ACSM3: variants seen among roughly 807,000 people sequenced by gnomAD.
The protein encoded by ACSM3 is acyl-CoA synthetase medium chain family member 3.
In ACSM3, 61 loss-of-function variants were observed where a neutral mutation model predicts 74.1. That is an observed-to-expected ratio of 0.82 (90% CI 0.67 to 1.02). The LOEUF (loss-of-function observed/expected upper bound fraction) is 1.02, where lower values mean the gene tolerates loss of function less well. Among genes scored for constraint, ACSM3 ranks in the 50% least tolerant of loss-of-function variants. The pLI, the probability that ACSM3 is intolerant of heterozygous loss-of-function variation, is 0.00. For synonymous variants in ACSM3, 213 were observed against 241.5 expected, an observed-to-expected ratio of 0.88 and a Z score of 1.09; for missense variants, 660 against 697.0, an observed-to-expected ratio of 0.95 and a Z score of 0.60.
intron 1 of ACSM3, chr16:20,697,555 TTA>T (rs1491336010): frequency 3.8e-5 from 4 of 104,946 alleles, no homozygotes; most frequent in Non-Finnish European, 5.5e-5. Context: ...TAAAATTGGA[TTA>T]CACACACACA....
At chr16:20,747,026 T>C (rs2079960691) in intron 1 of ACSM3, among the ~76,000 whole-genome samples, 1 of 152,150 alleles carries the variant, frequency 6.6e-6, no homozygotes, top group African/African-American at 2.4e-5. Context: ...CCTTTGAGAT[T>C]TGGTTGAATA....
chr16:20,789,530 C>T (rs200323039), intron 9 of ACSM3: 1 of 1,613,706 alleles, frequency 6.2e-7, no homozygotes, highest in African/African-American at 1.3e-5. Context: ...TATTGGGCTT[C>T]TGAAGTAAGG....
intron 1 of ACSM3, chr16:20,728,480 T>C: frequency 8.5e-7 from 1 of 1,180,388 alleles, no homozygotes; most frequent in African/African-American, 1.6e-5. Flanking sequence ...GTTTCTTCTC[T>C]GAATATGTGA....
intron 12 of ACSM3, 127 bp from the exon 13 acceptor site, chr16:20,796,243 T>A: frequency 6.3e-6 from 9 of 1,438,500 alleles, no homozygotes; most frequent in Non-Finnish European, 8.3e-6. Context: ...AGAGCTGGGA[T>A]CAAACTTTAT....
intron 1 of ACSM3, among the ~76,000 whole-genome samples, chr16:20,740,793 T>G (rs1018165474): frequency 2.0e-5 from 3 of 152,244 alleles, no homozygotes; most frequent in African/African-American, 7.2e-5. Flanking sequence ...TGGTAAAAGT[T>G]TTTACGTTCT....
chr16:20,796,339 A>G, intron 12 of ACSM3, 31 bp from the exon 13 acceptor site: 1 of 1,601,530 alleles, frequency 6.2e-7, no homozygotes, highest in Non-Finnish European at 8.5e-7. Flanking sequence ...TGCATAACTC[A>G]TTTTCCTGGT....
intron 6 of ACSM3, 65 bp from the exon 7 acceptor site, chr16:20,781,643 C>A: frequency 8.1e-7 from 1 of 1,228,394 alleles, no homozygotes; most frequent in Non-Finnish European, 1.2e-6. Flanking sequence ...CTGCGTCAAC[C>A]AAAGACATTT....
At chr16:20,728,208 T>C (rs954465430) in intron 1 of ACSM3, 2 of 344,226 alleles carry the variant, frequency 5.8e-6, no homozygotes, top group African/African-American at 2.2e-5. Context: ...TAAACCAGGC[T>C]CAATGGGGAA....
At chr16:20,708,951 G>C (rs766318458) in intron 1 of ACSM3, among the ~76,000 whole-genome samples, 8 of 152,178 alleles carry the variant, frequency 5.3e-5, no homozygotes, top group Non-Finnish European at 7.3e-5. Context: ...CAATAGAATA[G>C]AGCCCAGAAA....
At chr16:20,720,079 C>T (rs1234981126) in intron 1 of ACSM3, among the ~76,000 whole-genome samples, 1 of 152,156 alleles carries the variant, frequency 6.6e-6, no homozygotes, top group Non-Finnish European at 1.5e-5. Flanking sequence ...TGGCCTGACA[C>T]GGTGGTTTAA....
chr16:20,686,814 A>G lies in ACSM3; in HGVS notation c.-190+11992A>G, dbSNP rs1014292991. ...ATGAGACCCTGTCTCAAAAAAGAAA[A>G]AAAAAAAGTTTAACTATGGAAAGTG... On this transcript the variant is annotated intron_variant, in intron 1 of 3. Coordinates refer to the ACSM3 transcript ENST00000561584. 2.0e-5 allele frequency among the ~76,000 whole-genome samples: 3 copies of G among 152,058 alleles called. No individual in the cohort carries two copies. The South Asian group carries it at 6.2e-4, about 32-fold the overall frequency.
At chr16:20,789,448 G>C in intron 9 of ACSM3, 2 of 1,486,640 alleles carry the variant, frequency 1.3e-6, no homozygotes, top group Non-Finnish European at 1.9e-6. Context: ...ATTGGAGAGA[G>C]GGTAAGAGAG....
chr16:20,796,274 C>G, intron 12 of ACSM3, 96 bp from the exon 13 acceptor site: 2 of 1,526,336 alleles, frequency 1.3e-6, no homozygotes, highest in East Asian at 2.3e-5. Flanking sequence ...TGGCCCACCC[C>G]ACCAGGCATG....
intron 1 of ACSM3, chr16:20,703,815 TC>T (rs2152362631): frequency 6.6e-6 from 1 of 152,220 alleles, no homozygotes; most frequent in East Asian, 1.9e-4. Context: ...AGCCACAATG[TC>T]TGGCCAGAAC....
chr16:20,777,719 A>T, intron 4 of ACSM3, 139 bp downstream of exon 4: 2 of 752,668 alleles, frequency 2.7e-6, no homozygotes, highest in Non-Finnish European at 4.2e-6. Context: ...TGCTGCACTA[A>T]TAGTGCTAAA....
At chr16:20,711,545 C>T in intron 1 of ACSM3, 1 of 1,426,910 alleles carries the variant, frequency 7.0e-7, no homozygotes, top group South Asian at 1.2e-5. Context: ...GCATCCAAGG[C>T]CAAGTGCATT....
At chr16:20,685,840 A>AC (rs2079543137) in intron 1 of ACSM3, among the ~76,000 whole-genome samples, 1 of 123,596 alleles carries the variant, frequency 8.1e-6, no homozygotes, top group African/African-American at 2.6e-5. Context: ...AACAAACAAA[A>AC]AAAAAACAAA....
intron 1 of ACSM3, among the ~76,000 whole-genome samples, chr16:20,683,928 A>C (rs2079500477): frequency 6.6e-6 from 1 of 152,018 alleles, no homozygotes; most frequent in Non-Finnish European, 1.5e-5. Flanking sequence ...TTTCATCTCT[A>C]TACTCCTTCC....
intron 1 of ACSM3, chr16:20,741,503 C>A (rs775788763): frequency 1.4e-6 from 2 of 1,459,302 alleles, no homozygotes; most frequent in East Asian, 2.7e-5. Flanking sequence ...ACCCCGGGAC[C>A]GGTACCTTTT....
Sources: gnomAD v4.1 joint callset for allele counts (sites outside exome capture counted in the v4.1 genomes callset) on GRCh38, gnomAD v4.1.1 for gene constraint, MANE v1.5 for transcripts, NCBI Gene and HGNC (gene_info 2026-07-23, HGNC 2026-07-21) for gene names.